Variants in LETM1 observed in about 807,000 individuals in gnomAD.
LETM1 encodes the protein leucine zipper and EF-hand containing transmembrane protein 1.
In LETM1, 50 loss-of-function variants were observed where a neutral mutation model predicts 74.5. That is an observed-to-expected ratio of 0.67 (90% CI 0.53 to 0.85). The LOEUF is 0.85. Among genes scored for constraint, LETM1 ranks in the 40% least tolerant of loss-of-function variants. The pLI, the probability that LETM1 is intolerant of heterozygous loss-of-function variation, is 0.00. For missense variants in LETM1, 824 were observed against 967.8 expected (o/e 0.85, Z 1.97); for synonymous variants, 446 against 407.1 (o/e 1.10, Z -1.15).
Position 1,835,000 on chromosome 4 carries a change from G to T in LETM1, c.739-18C>A, listed in dbSNP as rs775134824. On this transcript the variant is annotated intron_variant, in intron 4 of 13. Transcript: ENST00000302787. The surrounding 1 kb of genome is among the most constrained non-coding windows in gnomAD (Gnocchi z 5.0). The stretch of plus-strand genomic sequence containing the variant: ...CTCTCCTCCTGCAAGGGCAGAGAGG[G>T]CACTGCATTCCAACTGCTCAGACTG... The T allele has an allele frequency of 6.2e-7, 1 of 1,611,934 alleles. No homozygotes were observed. The highest frequency in any genetic ancestry group is 1.3e-5 in the African/African-American group (1 of 75,010).
chr4:1,822,207 T>C lies in LETM1; in HGVS notation c.1582A>G (p.Thr528Ala). Residue 528 changes from threonine (T) to alanine (A), a missense_variant, in exon 10 of 14, where the codon ACT becomes GCT. Physicochemically the swap from Thr to Ala is moderately conservative, Grantham distance 58. This residue lies in a region of LETM1 where 172 missense variants were observed against 170.7 expected (regional missense o/e 1.01). Transcript: ENST00000302787. The stretch of plus-strand genomic sequence containing the variant: ...TTCAAGCCCTCCAGCACCGGGGCAG[T>C]GTCCTTCAAGGTCTCTGACTGCAGG... ...TVLQSETLKDTAPVLEGLKEE... is the reference protein window; with the variant it reads ...TVLQSETLKDAAPVLEGLKEE... 6.7e-7 allele frequency: 1 copy of C among 1,490,990 alleles called. No individual in the cohort carries two copies. Among genetic ancestry groups the C allele is most frequent in the South Asian group, 1.3e-5 (1 of 75,188 alleles). 92.4% of individuals were successfully genotyped at this position (1,490,990 alleles called of 1,614,324 possible). A position where few individuals can be genotyped will look rare whatever the true frequency, so the allele number is the denominator to read the frequency against.
intron 6 of LETM1, among the ~76,000 whole-genome samples, chr4:1,831,180 G>A (rs1011106232): frequency 2.0e-4 from 30 of 152,146 alleles, no homozygotes; most frequent in African/African-American, 7.2e-4. Context: ...GGGAGCTGTG[G>A]GTAACACATT....
At chr4:1,819,869 C>T (rs1274386648) in intron 10 of LETM1, among the ~76,000 whole-genome samples, 2 of 152,198 alleles carry the variant, frequency 1.3e-5, no homozygotes, top group Non-Finnish European at 2.9e-5. Flanking sequence ...GACGGATCAT[C>T]CAGCAAGCAC....
At chr4:1,840,494 C>T (rs1173819086) in intron 3 of LETM1, among the ~76,000 whole-genome samples, 2 of 151,862 alleles carry the variant, frequency 1.3e-5, no homozygotes, top group East Asian at 3.9e-4. Flanking sequence ...GGTGAAACCC[C>T]GTCTCTACTA....
At chr4:1,841,189 A>G (rs1214148140) in intron 3 of LETM1, among the ~76,000 whole-genome samples, 158 bp downstream of exon 3, 1 of 152,174 alleles carries the variant, frequency 6.6e-6, no homozygotes, top group Non-Finnish European at 1.5e-5. Flanking sequence ...GGATCTATAA[A>G]AAACAATTAG....
In LETM1 at chr4:1,855,923, G is replaced by T; in HGVS notation, c.28C>A (p.Arg10Ser). 1.6e-6 allele frequency: 2 copies of T among 1,237,038 alleles called. No individual in the cohort carries two copies. The highest frequency in any genetic ancestry group is 1.0e-6 in the Non-Finnish European group (1 of 992,994). The allele number at this position is 1,237,038 out of a possible 1,614,324, so 76.6% of individuals were successfully genotyped here. MASILLRSCRGRAPARLPPP... is the reference protein window; with the variant it reads MASILLRSCSGRAPARLPPP... The stretch of plus-strand genomic sequence containing the variant: ...GGGAGGCGGGCGGGCGCCCGGCCGC[G>T]GCAGCTCCTCAGTAAGATGGACGCC... Residue 10 changes from arginine to serine, a missense_variant, in exon 1 of 14, where the codon CGC becomes AGC. Around this residue, in one of 4 missense-constraint regions of LETM1, gnomAD observed 222 missense variants for 195.6 expected, o/e 1.14. Coordinates refer to ENST00000302787, the MANE Select transcript of LETM1 (RefSeq NM_012318.3).
chr4:1,847,915 G>A (rs1712938365), intron 2 of LETM1, among the ~76,000 whole-genome samples: 1 of 150,746 alleles, frequency 6.6e-6, no homozygotes, highest in Admixed American at 6.6e-5. Context: ...ATAACTGCTT[G>A]AACCCGGGAG....
In LETM1 at chr4:1,812,560, A is replaced by G. The variant is rs1049951471; in HGVS notation, c.*1864T>C. The G allele has an allele frequency of 1.3e-5, 2 of 152,294 alleles. No individual in the cohort carries two copies. The highest frequency in any genetic ancestry group is 2.9e-5 in the Non-Finnish European group (2 of 68,044). 9.4% of individuals were successfully genotyped at this position (152,294 alleles called of 1,614,324 possible). On this transcript the variant is annotated 3_prime_UTR_variant, in exon 14 of 14. Coordinates refer to ENST00000302787, the MANE Select transcript of LETM1 (RefSeq NM_012318.3). ...TTAAGAAGCTTATTACACAAAGCTC[A>G]TATTTCTGGATCCACCACTGCTTAC...
chr4:1,842,793 A>C (rs1005704880), intron 2 of LETM1, among the ~76,000 whole-genome samples: 1 of 152,164 alleles, frequency 6.6e-6, no homozygotes, highest in Non-Finnish European at 1.5e-5. Context: ...TGCAGCATAG[A>C]CCATGCCTGG....
At chr4:1,815,541 A>G in intron 13 of LETM1, 123 bp downstream of exon 13, 1 of 1,045,240 alleles carries the variant, frequency 9.6e-7, no homozygotes, top group Non-Finnish European at 1.4e-6. Flanking sequence ...TGACAGACCC[A>G]AACCCCTGAC....
intron 6 of LETM1, among the ~76,000 whole-genome samples, chr4:1,831,320 A>G (rs931251147): frequency 2.0e-5 from 3 of 152,214 alleles, no homozygotes; most frequent in Non-Finnish European, 2.9e-5. Context: ...GCCTCCACAG[A>G]CATCTGCGGG....
Position 1,819,412 on chromosome 4 carries a change from C to T in LETM1, c.1669G>A (p.Glu557Lys), listed in dbSNP as rs1378111381. 1.2e-6 allele frequency: 2 copies of T among 1,614,004 alleles called. No homozygotes were observed. Among genetic ancestry groups the T allele is most frequent in the Non-Finnish European group, 8.5e-7 (1 of 1,179,970 alleles). The change falls in exon 11 of 14, where the codon GAG (glutamate) becomes AAG (lysine). Residue 557 changes from glutamate to lysine, a missense_variant. By Grantham distance (56) the Glu-to-Lys change is moderately conservative (BLOSUM62 1). Around this residue, in one of 4 missense-constraint regions of LETM1, gnomAD observed 161 missense variants for 252.7 expected, o/e 0.64. Coordinates refer to ENST00000302787, the MANE Select transcript of LETM1 (RefSeq NM_012318.3). ...TCCTTGGTGAGTGACTTCTTCTGCTCCTGCAGCTTAGAGCAGGCATCGCTG... is the reference window on the plus strand; with the variant it reads ...TCCTTGGTGAGTGACTTCTTCTGCTTCTGCAGCTTAGAGCAGGCATCGCTG... ...ILSDACSKLQ[E>K]QKKSLTKEKE...
At chr4:1,842,023 A>G (rs780934589) in intron 2 of LETM1, among the ~76,000 whole-genome samples, 1 of 152,168 alleles carries the variant, frequency 6.6e-6, no homozygotes, top group Non-Finnish European at 1.5e-5. Flanking sequence ...CACGTCGGAC[A>G]GGAGCATGGG....
At chr4:1,853,851 C>T (rs1009550806) in intron 1 of LETM1, among the ~76,000 whole-genome samples, 2 of 152,150 alleles carry the variant, frequency 1.3e-5, no homozygotes, top group Non-Finnish European at 2.9e-5. Flanking sequence ...CCCTGGGTCT[C>T]GCTGGCTCTG....
intron 2 of LETM1, among the ~76,000 whole-genome samples, chr4:1,847,694 G>A (rs145832002): frequency 2.6e-5 from 4 of 151,382 alleles, no homozygotes; most frequent in Admixed American, 6.6e-5. Context: ...GTGTGGTGGC[G>A]GCGTCTCTAA....
chr4:1,850,481 A>AT (rs977908597), intron 1 of LETM1, among the ~76,000 whole-genome samples: 1 of 151,916 alleles, frequency 6.6e-6, no homozygotes, highest in African/African-American at 2.4e-5. Context: ...GCAAGCAATG[A>AT]TCCCAAGGGG....
intron 6 of LETM1, among the ~76,000 whole-genome samples, chr4:1,828,072 C>T (rs1234846376): frequency 1.3e-3 from 169 of 134,770 alleles, no homozygotes; most frequent in Middle Eastern, 4.2e-3. Context: ...CCCTCCCGGA[C>T]GGGGCGGCTG....
intron 6 of LETM1, among the ~76,000 whole-genome samples, chr4:1,827,274 CTTTTTTTTT>C (rs759264558): frequency 5.8e-5 from 6 of 103,756 alleles, no homozygotes; most frequent in South Asian, 3.3e-4. Flanking sequence ...ATTGACAGTT[CTTTTTTTTT>C]TTTTTTTTTT....
chr4:1,834,310 C>A lies in LETM1; in HGVS notation c.876+535G>T, dbSNP rs1289815520. On this transcript the variant is annotated intron_variant, in intron 5 of 13. Coordinates refer to ENST00000302787, the MANE Select transcript of LETM1 (RefSeq NM_012318.3). This position sits in a 1 kb window ranked among gnomAD's most constrained non-coding sequence, Gnocchi z 5.0. ...GCCAACAACACCGGCCTCGTGAACC[C>A]CATCTAGTCCTCAGGGATCTCGGTC... is the stretch of plus-strand genomic sequence containing the variant. 3.5e-6 allele frequency: 3 copies of A among 845,246 alleles called. No homozygotes were observed. The highest frequency in any genetic ancestry group is 3.7e-5 in the African/African-American group (2 of 54,568). 52.4% of individuals were successfully genotyped at this position (845,246 alleles called of 1,614,324 possible). A position where few individuals can be genotyped will look rare whatever the true frequency, so the allele number is the denominator to read the frequency against.
Sources: allele counts gnomAD v4.1 joint callset (sites outside exome capture counted in the v4.1 genomes callset), GRCh38; gene constraint gnomAD v4.1.1; regional missense constraint gnomAD v4.1.1; non-coding constraint Gnocchi (gnomAD v3.1); transcripts MANE v1.5; gene names NCBI Gene and HGNC (gene_info 2026-07-23, HGNC 2026-07-21).